The following RNF130 variants were observed in gnomAD, a reference collection of about 807,000 sequenced individuals.
RNF130 encodes E3 ubiquitin-protein ligase RNF130.
RNF130 carries 21 observed loss-of-function variants against 44.6 expected under a neutral mutation model. The ratio of observed to expected loss-of-function variants is 0.47; its 90% CI spans 0.33 to 0.68. RNF130 has a LOEUF of 0.68. Among genes scored for constraint, RNF130 ranks in the 30% least tolerant of loss-of-function variants. The pLI, the probability that RNF130 is intolerant of heterozygous loss-of-function variation, is 0.02. For missense variants in RNF130, 479 were observed against 560.6 expected (o/e 0.85, Z 1.47); for synonymous variants, 214 against 210.4 (o/e 1.02, Z -0.15).
At chr5:179,963,062 G>A (rs1276770344) in intron 8 of RNF130, among the ~76,000 whole-genome samples, 2 of 152,334 alleles carry the variant, frequency 1.3e-5, no homozygotes, top group South Asian at 2.1e-4. Flanking sequence ...AGGCACGGCC[G>A]CCGGGGCTTC....
chr5:180,021,738 C>G (rs962166239), intron 2 of RNF130, among the ~76,000 whole-genome samples: 1 of 152,018 alleles, frequency 6.6e-6, no homozygotes, highest in South Asian at 2.1e-4. Flanking sequence ...GCCTCATCAC[C>G]CCCGAATATG....
intron 5 of RNF130, among the ~76,000 whole-genome samples, chr5:179,971,976 A>G (rs749770147): frequency 1.2e-4 from 18 of 152,238 alleles, no homozygotes; most frequent in Non-Finnish European, 2.1e-4. Flanking sequence ...TTAAATTCAC[A>G]GACAATGAAA....
At chr5:179,949,829 C>T (rs185190005) in intron 7 of RNF130, among the ~76,000 whole-genome samples, 1 of 152,310 alleles carries the variant, frequency 6.6e-6, no homozygotes, top group East Asian at 1.9e-4. Flanking sequence ...AGAGATGAGA[C>T]CCCTCAGATC....
chr5:180,002,733 C>T (rs1763371764), intron 3 of RNF130, among the ~76,000 whole-genome samples: 1 of 152,164 alleles, frequency 6.6e-6, no homozygotes, highest in Non-Finnish European at 1.5e-5. Context: ...GTTTCCTTCC[C>T]ATCTCTATGT....
At chr5:180,066,751 G>A (rs568462643) in intron 1 of RNF130, among the ~76,000 whole-genome samples, 43 of 152,132 alleles carry the variant, frequency 2.8e-4, no homozygotes, top group Non-Finnish European at 5.4e-4. Flanking sequence ...GCAGGAAGGC[G>A]GAACCCGGGA....
chr5:180,013,179 C>A lies in RNF130; in HGVS notation c.575G>T (p.Arg192Leu). Residue 192 changes from arginine (R) to leucine (L), a missense_variant, in exon 3 of 9, where the codon CGT becomes CTT. Transcript: ENST00000521389. Reference protein sequence around the residue: ...GTRMPPKNFSRGSLVFVSISF... With the variant: ...GTRMPPKNFSLGSLVFVSISF... ...TATTGACACGAAGACTAGAGAGCCACGGCTGAAGTTCTTCGGTGGCATTCG... is the reference window on the plus strand; with the variant it reads ...TATTGACACGAAGACTAGAGAGCCAAGGCTGAAGTTCTTCGGTGGCATTCG... The A allele has an allele frequency of 6.2e-7, 1 of 1,614,170 alleles. No individual in the cohort carries two copies. Among genetic ancestry groups the A allele is most frequent in the Non-Finnish European group, 8.5e-7 (1 of 1,180,030 alleles).
intron 1 of RNF130, among the ~76,000 whole-genome samples, chr5:180,063,124 C>A (rs1765024855): frequency 6.6e-6 from 1 of 152,102 alleles, no homozygotes; most frequent in South Asian, 2.1e-4. Flanking sequence ...TGATGACGAG[C>A]CACTGCAGGG....
At chr5:179,920,500 A>G (rs1198267050) in intron 7 of RNF130, 2 of 668,700 alleles carry the variant, frequency 3.0e-6, no homozygotes, top group Non-Finnish European at 5.5e-6. Flanking sequence ...GGAGGAAACA[A>G]TGCAGATTAT....
At chr5:179,981,527 G>C (rs766210230) in intron 3 of RNF130, among the ~76,000 whole-genome samples, 7 of 152,182 alleles carry the variant, frequency 4.6e-5, no homozygotes, top group Non-Finnish European at 1.0e-4. Context: ...TCCATTACCA[G>C]TACTTTACTT....
At chr5:179,947,782 G>A (rs1319906190) in intron 7 of RNF130, among the ~76,000 whole-genome samples, 1 of 151,978 alleles carries the variant, frequency 6.6e-6, no homozygotes, top group East Asian at 1.9e-4. Context: ...GTATATAGTA[G>A]GTATACATTG....
intron 2 of RNF130, among the ~76,000 whole-genome samples, chr5:180,016,870 A>T (rs1763748371): frequency 6.6e-6 from 1 of 152,198 alleles, no homozygotes. Context: ...ATGACATTTT[A>T]TTCTTAAATA....
chr5:180,026,872 T>A (rs1420755860), intron 2 of RNF130, among the ~76,000 whole-genome samples: 2 of 152,184 alleles, frequency 1.3e-5, no homozygotes, highest in African/African-American at 4.8e-5. Context: ...TTTAACTGCA[T>A]GAAACCCTGG....
chr5:179,955,642 GT>G lies in RNF130; in HGVS notation c.*11del, dbSNP rs773519031. On this transcript the variant is annotated 3_prime_UTR_variant, in exon 9 of 9. Coordinates refer to ENST00000521389, the MANE Select transcript of RNF130 (RefSeq NM_018434.6). ...CAAGGCAAAATCAGTCAGAAAGCAGGTTTTTTCTTCTTCAAAACCATTCTAC... is the reference window on the plus strand; with the variant it reads ...CAAGGCAAAATCAGTCAGAAAGCAGGTTTTTCTTCTTCAAAACCATTCTAC... 1.9e-6 allele frequency: 3 copies of G among 1,584,112 alleles called. No homozygotes were observed. The highest frequency in any genetic ancestry group is 2.2e-5 in the East Asian group (1 of 44,622).
exon 8 of RNF130, chr5:179,915,712 TC>T: frequency 6.6e-6 from 1 of 152,360 alleles, no homozygotes; most frequent in Non-Finnish European, 1.5e-5. Context: ...TCCTTTTCTT[TC>T]CAAACAGAGA....
At chr5:179,991,472 A>G (rs1046434508) in intron 3 of RNF130, among the ~76,000 whole-genome samples, 13 of 152,278 alleles carry the variant, frequency 8.5e-5, no homozygotes, top group Middle Eastern at 3.4e-3. Context: ...TTCCTCTGAA[A>G]CACCAATGAT....
chr5:179,975,034 G>A (rs540751100), intron 5 of RNF130, among the ~76,000 whole-genome samples: 254 of 152,378 alleles, frequency 1.7e-3, no homozygotes, highest in South Asian at 0.014. Flanking sequence ...CTGCTGTGCC[G>A]AATGCGGAGC....
intron 7 of RNF130, among the ~76,000 whole-genome samples, chr5:179,929,656 G>C (rs1761777040): frequency 6.6e-6 from 1 of 152,074 alleles, no homozygotes. Context: ...GCTGAGGTGG[G>C]AGGATCACTT....
At chr5:179,963,057 C>T (rs1188541870) in intron 8 of RNF130, among the ~76,000 whole-genome samples, 2 of 152,266 alleles carry the variant, frequency 1.3e-5, no homozygotes, top group Non-Finnish European at 2.9e-5. Context: ...ACCACAGGCA[C>T]GGCCGCCGGG....
chr5:179,980,426 T>C (rs750499567), intron 3 of RNF130: 61 of 491,734 alleles, frequency 1.2e-4, no homozygotes, highest in South Asian at 1.2e-3. Context: ...AACAGAAATA[T>C]AGAACTATAG....
Sources: allele counts gnomAD v4.1 joint callset (sites outside exome capture counted in the v4.1 genomes callset), GRCh38; gene constraint gnomAD v4.1.1; transcripts MANE v1.5; gene names NCBI Gene and HGNC (gene_info 2026-07-23, HGNC 2026-07-21).